Variants in IGF2BP1 observed in about 807,000 individuals in gnomAD.
IGF2BP1 encodes the protein insulin-like growth factor 2 mRNA-binding protein 1.
Under a neutral mutation model 74.9 loss-of-function variants are expected in IGF2BP1, and 11 were observed. That is an observed-to-expected ratio of 0.15 (90% CI 0.09 to 0.24). IGF2BP1 has a LOEUF of 0.24. IGF2BP1 is among the 10% of genes least tolerant of loss of function. The probability of loss-of-function intolerance (pLI) is 1.00; values close to 1 mark genes in which losing one functional copy is unlikely to be tolerated. For missense variants in IGF2BP1, 440 were observed against 757.4 expected (o/e 0.58, Z 4.92); for synonymous variants, 287 against 281.8 (o/e 1.02, Z -0.18).
At chr17:49,043,572 A>T (rs1432629377) in intron 10 of IGF2BP1, 22 bp downstream of exon 10, 4 of 1,612,418 alleles carry the variant, frequency 2.5e-6, no homozygotes, top group Non-Finnish European at 3.4e-6. Flanking sequence ...ATCTTATTAC[A>T]CGGGATCCCT....
chr17:49,000,610 G>A (rs2041477650), intron 2 of IGF2BP1, among the ~76,000 whole-genome samples: 1 of 152,160 alleles, frequency 6.6e-6, no homozygotes, highest in Admixed American at 6.5e-5. Context: ...TTATTGAAAA[G>A]GATATGGATA....
intron 2 of IGF2BP1, 127 bp downstream of exon 2, chr17:48,999,296 G>C: frequency 1.6e-6 from 1 of 641,288 alleles, no homozygotes; most frequent in Non-Finnish European, 2.8e-6. Flanking sequence ...CCCAACTCCG[G>C]ATGTTGGGGG....
rs2042208408 is a variant in IGF2BP1 at position 49,054,966 on chromosome 17, C to CCCCCT, written c.*5522_*5523insCCCCT. The CCCCCT allele has an allele frequency of 6.6e-6, 1 of 151,674 alleles. No individual in the cohort carries two copies. The highest frequency in any genetic ancestry group is 6.6e-5 in the Admixed American group (1 of 15,164). 9.4% of individuals were successfully genotyped at this position (151,674 alleles called of 1,614,324 possible). On this transcript the variant is annotated 3_prime_UTR_variant, in exon 15 of 15. Coordinates refer to ENST00000290341, the MANE Select transcript of IGF2BP1 (RefSeq NM_006546.4). ...CGATCCCAGCCCCTCCCCACCCACCCTCTAATGGACCTCCTCATAGAAGCC... is the reference window on the plus strand; with the variant it reads ...CGATCCCAGCCCCTCCCCACCCACCCCCCCTTCTAATGGACCTCCTCATAGAAGCC...
intron 12 of IGF2BP1, among the ~76,000 whole-genome samples, chr17:49,045,628 A>G (rs956389974): frequency 2.0e-5 from 3 of 152,044 alleles, no homozygotes; most frequent in Admixed American, 6.6e-5. Flanking sequence ...TCTGGGAACT[A>G]TTTTTTCCCT....
chr17:48,998,041 G>C (rs1250686167), intron 1 of IGF2BP1, 121 bp downstream of exon 1: 4 of 1,105,378 alleles, frequency 3.6e-6, no homozygotes, highest in African/African-American at 1.6e-5. Context: ...TTTGGCCTCC[G>C]TACCCACCCT....
intron 5 of IGF2BP1, 32 bp downstream of exon 5, chr17:49,032,005 G>C: frequency 6.6e-7 from 1 of 1,526,646 alleles, no homozygotes; most frequent in Non-Finnish European, 9.0e-7. Context: ...GCTGGGTGCG[G>C]TGGGGGGGGG....
chr17:49,042,581 C>T (rs2042063715), intron 9 of IGF2BP1, among the ~76,000 whole-genome samples: 1 of 152,068 alleles, frequency 6.6e-6, no homozygotes, highest in Non-Finnish European at 1.5e-5. Flanking sequence ...AGTAGGGGTC[C>T]AATCTTGGGC....
intron 2 of IGF2BP1, among the ~76,000 whole-genome samples, chr17:49,022,536 C>T (rs972693060): frequency 6.6e-6 from 1 of 151,930 alleles, no homozygotes; most frequent in Non-Finnish European, 1.5e-5. Context: ...TGGGTGAGTC[C>T]CTGCTGGTTG....
At chr17:49,039,322 A>C (rs555543583) in intron 6 of IGF2BP1, among the ~76,000 whole-genome samples, 1 of 152,296 alleles carries the variant, frequency 6.6e-6, no homozygotes, top group South Asian at 2.1e-4. Context: ...GACATACGGA[A>C]TTCAAGCGGA....
chr17:49,042,390 T>TA lies in IGF2BP1; in HGVS notation c.1077+14dup, dbSNP rs2042061784. On this transcript the variant is annotated intron_variant, in intron 9 of 14. Coordinates refer to ENST00000290341, the MANE Select transcript of IGF2BP1 (RefSeq NM_006546.4). The stretch of plus-strand genomic sequence containing the variant: ...GGCTGCCATGAGCGTGAGTGCTGGG[T>TA]AGTACCCTCTGCTTATCCTTTCCTG... 9.9e-6 allele frequency: 16 copies of TA among 1,614,050 alleles called. No individual in the cohort carries two copies. The highest frequency in any genetic ancestry group is 1.3e-5 in the Non-Finnish European group (15 of 1,179,982).
At chr17:49,028,315 C>G (rs1229974572) in intron 4 of IGF2BP1, among the ~76,000 whole-genome samples, 1 of 152,156 alleles carries the variant, frequency 6.6e-6, no homozygotes, top group Non-Finnish European at 1.5e-5. Context: ...TTTAAATATT[C>G]CTCTCCAAAT....
At chr17:49,015,448 C>T (rs1041490920) in intron 2 of IGF2BP1, among the ~76,000 whole-genome samples, 2 of 152,218 alleles carry the variant, frequency 1.3e-5, no homozygotes, top group Admixed American at 6.5e-5. Context: ...GATTCCGAAA[C>T]TTCCCTTCCC....
intron 2 of IGF2BP1, among the ~76,000 whole-genome samples, chr17:49,003,961 C>T (rs1342645130): frequency 6.6e-6 from 1 of 151,996 alleles, no homozygotes; most frequent in East Asian, 1.9e-4. Context: ...CCTTCCCTTC[C>T]CCTTTCAAAA....
At chr17:49,036,123 A>G (rs763724908) in intron 5 of IGF2BP1, among the ~76,000 whole-genome samples, 13 of 152,198 alleles carry the variant, frequency 8.5e-5, no homozygotes, top group Admixed American at 2.6e-4. Flanking sequence ...AGCGACCGGC[A>G]TAGCGCTTGG....
intron 2 of IGF2BP1, among the ~76,000 whole-genome samples, chr17:49,024,110 TTG>T (rs1491477723): frequency 4.1e-5 from 6 of 146,116 alleles, no homozygotes; most frequent in Admixed American, 1.4e-4. Flanking sequence ...TTTTTTTTTT[TTG>T]TAGAGAGGAG....
At position 49,044,976 on chromosome 17, in the gene IGF2BP1, C is replaced by T; in HGVS notation, c.1321-15C>T. On this transcript the variant is annotated splice_polypyrimidine_tract_variant and intron_variant, in intron 11 of 14. Transcript: ENST00000290341. ...CCATAGAGGGTCCCTCATTGACTAGCTTTTTGCTTTTTAGATTGCACCACC... is the reference window on the plus strand; with the variant it reads ...CCATAGAGGGTCCCTCATTGACTAGTTTTTTGCTTTTTAGATTGCACCACC... The T allele has an allele frequency of 2.5e-6, 4 of 1,612,912 alleles. No individual in the cohort carries two copies. Among genetic ancestry groups the T allele is most frequent in the Non-Finnish European group, 3.4e-6 (4 of 1,178,898 alleles).
intron 2 of IGF2BP1, among the ~76,000 whole-genome samples, chr17:49,005,325 C>T (rs1334738628): frequency 6.6e-6 from 1 of 152,228 alleles, no homozygotes; most frequent in East Asian, 1.9e-4. Context: ...ATCAGAAATG[C>T]AGTCCTTTTG....
intron 2 of IGF2BP1, among the ~76,000 whole-genome samples, chr17:49,020,089 T>C (rs1242988637): frequency 2.0e-5 from 3 of 150,916 alleles, no homozygotes; most frequent in Non-Finnish European, 4.4e-5. Context: ...AGTCATGCTA[T>C]GTCACCCAGG....
intron 2 of IGF2BP1, among the ~76,000 whole-genome samples, chr17:49,017,283 CCAGACCAAATCAAAT>C (rs1438475868): frequency 6.6e-6 from 1 of 152,116 alleles, no homozygotes; most frequent in Non-Finnish European, 1.5e-5. Flanking sequence ...CCAAACCAAA[CCAGACCAAATCAAAT>C]CAAACCAGGT....
Sources: allele counts gnomAD v4.1 joint callset (sites outside exome capture counted in the v4.1 genomes callset), GRCh38; gene constraint gnomAD v4.1.1; transcripts MANE v1.5; gene names NCBI Gene and HGNC (gene_info 2026-07-23, HGNC 2026-07-21).